Variants in PREX2 observed in about 807,000 individuals in gnomAD.
PREX2 encodes phosphatidylinositol 3,4,5-trisphosphate-dependent Rac exchanger 2 protein.
In PREX2, 107 loss-of-function variants were observed where a neutral mutation model predicts 203.2. The observed-to-expected ratio is 0.53, with a 90% CI of 0.45 to 0.62. The LOEUF is 0.62. Among genes scored for constraint, PREX2 ranks in the 20% least tolerant of loss-of-function variants. PREX2 has a pLI of 0.00. For synonymous variants in PREX2, 672 were observed against 663.6 expected (o/e 1.01, Z -0.19); for missense variants, 1,777 against 1,955.9 (o/e 0.91, Z 1.72).
chr8:68,167,559 C>T (rs1466359028), intron 35 of PREX2, among the ~76,000 whole-genome samples: 1 of 152,084 alleles, frequency 6.6e-6, no homozygotes, highest in East Asian at 1.9e-4. Context: ...TCCTGAACTC[C>T]TGACCTCAGG....
At chr8:68,096,485 T>C (rs1012907647) in intron 21 of PREX2, among the ~76,000 whole-genome samples, 2 of 152,162 alleles carry the variant, frequency 1.3e-5, no homozygotes, top group African/African-American at 4.8e-5. Flanking sequence ...GATGGAAATT[T>C]TATTATAGTG....
At chr8:68,165,941 T>C (rs531019067) in intron 35 of PREX2, among the ~76,000 whole-genome samples, 5 of 152,166 alleles carry the variant, frequency 3.3e-5, no homozygotes, top group Non-Finnish European at 7.4e-5. Context: ...ATTTCAAAAA[T>C]AGGAAAGTAT....
chr8:67,978,374 C>A (rs980755857), intron 1 of PREX2, among the ~76,000 whole-genome samples: 1 of 152,192 alleles, frequency 6.6e-6, no homozygotes. Context: ...TCCCTTTCAG[C>A]AACAGCCATC....
At position 67,999,110 on chromosome 8, in the gene PREX2, C is replaced by T. The variant is rs1806855636; in HGVS notation, c.142-18736C>T. 1.3e-5 allele frequency among the ~76,000 whole-genome samples: 2 copies of T among 151,948 alleles called. 1 individual carries two copies. The highest frequency in any genetic ancestry group is 4.1e-4 in the South Asian group (2 of 4,822). ...CTTTTAAAAATATTCACTTAAGATG[C>T]ATGGAGGAAAAATCAGAGCTAAACT... On this transcript the variant is annotated intron_variant, in intron 1 of 39. Transcript: ENST00000288368.
chr8:68,093,833 C>A, intron 21 of PREX2, 111 bp downstream of exon 21: 2 of 524,520 alleles, frequency 3.8e-6, no homozygotes, highest in South Asian at 8.9e-5. Flanking sequence ...ATTCTTAAGT[C>A]GTTATCACCA....
At chr8:68,184,117 G>A (rs1224429915) in intron 35 of PREX2, among the ~76,000 whole-genome samples, 1 of 152,116 alleles carries the variant, frequency 6.6e-6, no homozygotes, top group Non-Finnish European at 1.5e-5. Flanking sequence ...ATGGGCATGG[G>A]GAAGGTAGGT....
chr8:67,981,007 G>A (rs1806253094), intron 1 of PREX2, among the ~76,000 whole-genome samples: 1 of 152,112 alleles, frequency 6.6e-6, no homozygotes, highest in Non-Finnish European at 1.5e-5. Context: ...TAATCTAGGG[G>A]GCAATTGGAT....
chr8:68,017,601 G>A (rs1040135192), intron 1 of PREX2, among the ~76,000 whole-genome samples: 1 of 152,144 alleles, frequency 6.6e-6, no homozygotes, highest in Admixed American at 6.5e-5. Context: ...TGAGATCCTG[G>A]TGGATAAATT....
chr8:67,978,972 T>G (rs781476988), intron 1 of PREX2, among the ~76,000 whole-genome samples: 1 of 152,212 alleles, frequency 6.6e-6, no homozygotes, highest in Non-Finnish European at 1.5e-5. Context: ...CACTACAGTA[T>G]GTAAGTATAA....
rs1220872017 is a variant in PREX2, at chr8:68,236,929, C to CA, written c.*5552dup. The CA allele has an allele frequency of 6.6e-6, 1 of 151,928 alleles. No individual in the cohort carries two copies. The highest frequency in any genetic ancestry group is 1.5e-5 in the Non-Finnish European group (1 of 67,968). The allele number at this position is 151,928 out of a possible 1,614,324, so 9.4% of individuals were successfully genotyped here. On this transcript the variant is annotated 3_prime_UTR_variant, in exon 40 of 40. Coordinates refer to ENST00000288368, the MANE Select transcript of PREX2 (RefSeq NM_024870.4). ...ATGTATGGTTAAAATTATCAAAGTG[C>CA]ATTATGTATTTTATATTGTTTATTT...
rs539111867 is a variant in PREX2 at position 68,110,441 on chromosome 8, G to C, written c.3146+818G>C. On this transcript the variant is annotated intron_variant, in intron 25 of 39. Transcript: ENST00000288368. ...TACAAATTAATATAGAAAGTAATCAGCACACTGCCTAATATAGTGCTTGCT... is the reference window on the plus strand; with the variant it reads ...TACAAATTAATATAGAAAGTAATCACCACACTGCCTAATATAGTGCTTGCT... 7.2e-5 allele frequency among the ~76,000 whole-genome samples: 11 copies of C among 152,292 alleles called. No homozygotes were observed. In the South Asian group the frequency reaches 2.3e-3, roughly 32 times the overall value.
At chr8:68,103,898 T>C (rs1041652649) in intron 23 of PREX2, among the ~76,000 whole-genome samples, 11 of 152,160 alleles carry the variant, frequency 7.2e-5, no homozygotes, top group Non-Finnish European at 1.6e-4. Flanking sequence ...TCTCTCTCCA[T>C]TTTCAATCCT....
At chr8:68,052,468 A>G (rs996215988) in intron 8 of PREX2, among the ~76,000 whole-genome samples, 2 of 152,210 alleles carry the variant, frequency 1.3e-5, no homozygotes, top group African/African-American at 4.8e-5. Context: ...ATTTATCTTC[A>G]AAAATTTTTT....
intron 37 of PREX2, among the ~76,000 whole-genome samples, chr8:68,202,132 A>C (rs1195510103): frequency 6.6e-6 from 1 of 151,594 alleles, no homozygotes; most frequent in East Asian, 1.9e-4. Context: ...GAACTCCTGA[A>C]CTCGTGATCC....
chr8:68,101,800 C>T (rs930130263), intron 23 of PREX2, among the ~76,000 whole-genome samples: 1 of 152,120 alleles, frequency 6.6e-6, no homozygotes. Flanking sequence ...TGCTTTCTTC[C>T]TGCTTTCCTC....
At chr8:68,104,415 T>C (rs1435747167) in intron 23 of PREX2, among the ~76,000 whole-genome samples, 5 of 152,176 alleles carry the variant, frequency 3.3e-5, no homozygotes, top group Non-Finnish European at 5.9e-5. Context: ...TTTCTTGATG[T>C]TCCTTGGACA....
At chr8:68,095,102 G>A (rs1432094871) in intron 21 of PREX2, 3 of 152,226 alleles carry the variant, frequency 2.0e-5, no homozygotes, top group African/African-American at 4.8e-5. Flanking sequence ...CTCTGTGAGG[G>A]GTTGGGGTGT....
chr8:68,144,868 A>G (rs927163202), intron 33 of PREX2, among the ~76,000 whole-genome samples: 4 of 152,128 alleles, frequency 2.6e-5, no homozygotes, highest in East Asian at 1.9e-4. Context: ...TATTTGTTCT[A>G]TGTTAGTTCT....
At chr8:68,185,151 A>G (rs938214701) in intron 35 of PREX2, among the ~76,000 whole-genome samples, 3 of 152,008 alleles carry the variant, frequency 2.0e-5, no homozygotes, top group Non-Finnish European at 4.4e-5. Context: ...CTCAATTTTC[A>G]TATTTGATGA....
Sources: allele counts gnomAD v4.1 joint callset (sites outside exome capture counted in the v4.1 genomes callset), GRCh38; gene constraint gnomAD v4.1.1; transcripts MANE v1.5; gene names NCBI Gene and HGNC (gene_info 2026-07-23, HGNC 2026-07-21).